Variants in ZNF285 observed in about 807,000 individuals in gnomAD.
The protein encoded by ZNF285 is zinc finger protein 285A.
A neutral mutation model predicts 6.2 loss-of-function variants in ZNF285; 4 were observed. The ratio of observed to expected loss-of-function variants is 0.65; its 90% confidence interval spans 0.32 to 1.49. The LOEUF (loss-of-function observed/expected upper bound fraction) is 1.49. Among genes scored for constraint, ZNF285 ranks in the 40% most tolerant of loss-of-function variants. The pLI is 0.07. For missense variants in ZNF285, 695 were observed against 708.8 expected (o/e 0.98, Z 0.22); for synonymous variants, 240 against 245.8 (o/e 0.98, Z 0.22).
rs548720540 is a variant in ZNF285, at chr19:44,383,725, C to T, written c.*2747G>A. The T allele has an allele frequency of 7.2e-5, 11 of 152,260 alleles. No individual in the cohort carries two copies. Among genetic ancestry groups the T allele is most frequent in the African/African-American group, 7.2e-5 (3 of 41,560 alleles). 9.4% of individuals were successfully genotyped at this position (152,260 alleles called of 1,614,324 possible). ...AAATTATACATGAGCGAGTCTGTTA[C>T]GCTTTTATCAAATCATTGGATTTGA... On this transcript the variant is annotated 3_prime_UTR_variant, in exon 4 of 4. Coordinates refer to ENST00000614994, the MANE Select transcript of ZNF285 (RefSeq NM_152354.6).
chr19:44,388,215 T>C (rs968280832), intron 3 of ZNF285, 113 bp from the exon 4 acceptor site: 3 of 962,594 alleles, frequency 3.1e-6, no homozygotes, highest in Middle Eastern at 2.2e-4. Flanking sequence ...TATTGACGTA[T>C]GAAACAATTA....
In ZNF285 at chr19:44,382,948, G is replaced by A. The variant is rs1379447759; in HGVS notation, c.*3524C>T. Reference sequence around the variant, plus strand: ...AAGAATGTGGGAGTCTGAGGCCCCAGATAGCTCCTCACCTAGGCATCCCAA... The same window carrying A: ...AAGAATGTGGGAGTCTGAGGCCCCAAATAGCTCCTCACCTAGGCATCCCAA... On this transcript the variant is annotated 3_prime_UTR_variant, in exon 4 of 4. Transcript: ENST00000614994. The A allele has an allele frequency of 6.6e-6, 1 of 152,148 alleles. No homozygotes were observed. Among genetic ancestry groups the A allele is most frequent in the African/African-American group, 2.4e-5 (1 of 41,428 alleles). 9.4% of individuals were successfully genotyped at this position (152,148 alleles called of 1,614,324 possible).
At position 44,392,418 on chromosome 19, in the gene ZNF285, G is replaced by T; in HGVS notation, c.64C>A (p.Leu22Met). ...ATCTGGGCTTTATCCAATAGTGCCA[G>T]CTCTTCCTTGGTGAAGACAACAGCC... ...DVAVVFTKEE[L>M]ALLDKAQINL... Residue 22 changes from leucine (L) to methionine (M), a missense_variant, in exon 3 of 4, where the codon CTG becomes ATG. Physicochemically the swap from Leu to Met is conservative, Grantham distance 15. Transcript: ENST00000614994. 1 of 1,613,796 alleles carries T rather than the reference G, an allele frequency of 6.2e-7. No homozygotes were observed. Among genetic ancestry groups the T allele is most frequent in the Non-Finnish European group, 8.5e-7 (1 of 1,179,830 alleles).
At chr19:44,388,986 C>T (rs1213048115) in intron 3 of ZNF285, among the ~76,000 whole-genome samples, 1 of 144,534 alleles carries the variant, frequency 6.9e-6, no homozygotes, top group Non-Finnish European at 1.5e-5. Flanking sequence ...ATGATCCTGG[C>T]GTTGTGCGGG....
chr19:44,392,469 A>G lies in ZNF285; in HGVS notation c.16-3T>C. 1 of 1,613,816 alleles carries G rather than the reference A, an allele frequency of 6.2e-7. No homozygotes were observed. Among genetic ancestry groups the G allele is most frequent in the Non-Finnish European group, 8.5e-7 (1 of 1,179,800 alleles). ...ACATCCTTGAATGTCACCCTTTCCTAAAACATCAACCACATGCCACGTCAA... is the reference window on the plus strand; with the variant it reads ...ACATCCTTGAATGTCACCCTTTCCTGAAACATCAACCACATGCCACGTCAA... On this transcript the variant is annotated splice_polypyrimidine_tract_variant and splice_region_variant and intron_variant, in intron 2 of 3. Transcript: ENST00000614994.
chr19:44,388,254 G>T lies in ZNF285; in HGVS notation c.143-152C>A, dbSNP rs113485144. 3,233 of 726,036 alleles carry T rather than the reference G, an allele frequency of 4.5e-3. 76 individuals are homozygous for T. In the African/African-American group the frequency reaches 0.047, roughly 11 times the overall value. The allele number at this position is 726,036 out of a possible 1,614,324, so 45.0% of individuals were successfully genotyped here. On this transcript the variant is annotated intron_variant, in intron 3 of 3. Transcript: ENST00000614994. ...CCACGGTAATTCTAACCTGTGAGCT[G>T]CCAATTAGAAATCAAGTGTTGTAGG...
chr19:44,395,241 AT>A (rs1971260945), intron 2 of ZNF285, among the ~76,000 whole-genome samples: 1 of 152,192 alleles, frequency 6.6e-6, no homozygotes, highest in African/African-American at 2.4e-5. Context: ...ATAACCATCT[AT>A]GAAGTATGAA....
intron 2 of ZNF285, among the ~76,000 whole-genome samples, chr19:44,393,473 G>T (rs961404762): frequency 1.3e-5 from 2 of 151,910 alleles, no homozygotes; most frequent in African/African-American, 4.8e-5. Flanking sequence ...TTTTTGATGG[G>T]GTTGTTTTTT....
chr19:44,392,523 T>A (rs562808687), intron 2 of ZNF285, 57 bp from the exon 3 acceptor site: 218 of 1,613,382 alleles, frequency 1.4e-4, no homozygotes, highest in Non-Finnish European at 1.7e-4. Context: ...GGTCTTAGTC[T>A]GTTTGGGCTG....
chr19:44,398,397 G>C (rs1971320717), intron 1 of ZNF285, among the ~76,000 whole-genome samples: 1 of 152,152 alleles, frequency 6.6e-6, no homozygotes, highest in Non-Finnish European at 1.5e-5. Context: ...ATCCAGGGAA[G>C]GGACAAGAGT....
At chr19:44,392,249 T>G (rs535947511) in intron 3 of ZNF285, 91 bp downstream of exon 3, 53 of 1,569,668 alleles carry the variant, frequency 3.4e-5, no homozygotes, top group East Asian at 2.9e-4. Context: ...GTGGCCAAAG[T>G]TTCTCTTTGT....
Position 44,386,988 on chromosome 19 carries a change from C to T in ZNF285, c.1257G>A (p.Trp419Ter). The change falls in exon 4 of 4, where the codon TGG (tryptophan) becomes TGA (stop). Residue 419 changes from tryptophan to a stop codon, truncating the protein, a stop_gained. Transcript: ENST00000614994. LOFTEE classifies it low-confidence loss of function (END_TRUNC). ...ATGGTTTCTCCCCTGTGTGAAACCT[C>T]CAGTGGACTTGAAGAACGGAGCTTG... ...FSSSSVLQVHWRFHTGEKPYR... is the reference protein window; with the variant it reads ...FSSSSVLQVH 6.2e-7 allele frequency: 1 copy of T among 1,614,126 alleles called. No individual in the cohort carries two copies. The highest frequency in any genetic ancestry group is 8.5e-7 in the Non-Finnish European group (1 of 1,180,020).
Position 44,382,530 on chromosome 19 carries a change from T to C in ZNF285, c.*3942A>G, listed in dbSNP as rs997360732. The stretch of plus-strand genomic sequence containing the variant: ...GGCCAGGCTGGTCTCAAACTCCTGA[T>C]CTTGTGATTCAGCCACCTTGGCCTC... On this transcript the variant is annotated 3_prime_UTR_variant, in exon 4 of 4. Transcript: ENST00000614994. 6.6e-6 allele frequency: 1 copy of C among 152,098 alleles called. No individual in the cohort carries two copies. Among genetic ancestry groups the C allele is most frequent in the African/African-American group, 2.4e-5 (1 of 41,498 alleles). 9.4% of individuals were successfully genotyped at this position (152,098 alleles called of 1,614,324 possible). A position where few individuals can be genotyped will look rare whatever the true frequency, so the allele number is the denominator to read the frequency against.
rs1315892061 is a variant in ZNF285, at chr19:44,385,602, C to G, written c.*870G>C. ...AATCCCTCCATGCTAGTCAGGATAGCCTAGGCAATGCTGCAGTAATAAATA... is the reference window on the plus strand; with the variant it reads ...AATCCCTCCATGCTAGTCAGGATAGGCTAGGCAATGCTGCAGTAATAAATA... On this transcript the variant is annotated 3_prime_UTR_variant, in exon 4 of 4. Coordinates refer to ENST00000614994, the MANE Select transcript of ZNF285 (RefSeq NM_152354.6). 2 of 152,172 alleles carry G rather than the reference C, an allele frequency of 1.3e-5. No homozygotes were observed. The highest frequency in any genetic ancestry group is 2.4e-5 in the African/African-American group (1 of 41,434). The allele number at this position is 152,172 out of a possible 1,614,324, so 9.4% of individuals were successfully genotyped here.
At position 44,384,603 on chromosome 19, in the gene ZNF285, T is replaced by C. The variant is rs1360950717; in HGVS notation, c.*1869A>G. ...AACTATAACTAGCAGGAAACTGTAA[T>C]GCAAGAAAAACTAGGAATAAACCAT... On this transcript the variant is annotated 3_prime_UTR_variant, in exon 4 of 4. Coordinates refer to ENST00000614994, the MANE Select transcript of ZNF285 (RefSeq NM_152354.6). 4 of 151,852 alleles carry C rather than the reference T, an allele frequency of 2.6e-5. No individual in the cohort carries two copies. Among genetic ancestry groups the C allele is most frequent in the South Asian group, 2.1e-4 (1 of 4,816 alleles). 9.4% of individuals were successfully genotyped at this position (151,852 alleles called of 1,614,324 possible).
chr19:44,390,426 GCC>G (rs973974199), intron 3 of ZNF285, among the ~76,000 whole-genome samples: 2 of 152,104 alleles, frequency 1.3e-5, no homozygotes, highest in African/African-American at 4.8e-5. Context: ...GGGGCCTGTA[GCC>G]CCTTTGTTTC....
chr19:44,387,027 G>C lies in ZNF285; in HGVS notation c.1218C>G (p.Gly406=). Reference sequence around the variant, plus strand: ...GAACGGAGCTTGAACTAAAGCACTTGCCACACTCACTGCATTTGTAGGGCT... The same window carrying C: ...GAACGGAGCTTGAACTAAAGCACTTCCCACACTCACTGCATTTGTAGGGCT... The part of the protein sequence containing the change: ...GEKPYKCSEC[G]KCFSSSSVLQ... Residue 406 remains glycine, a synonymous_variant, in exon 4 of 4, where the codon GGC becomes GGG. Coordinates refer to ENST00000614994, the MANE Select transcript of ZNF285 (RefSeq NM_152354.6). The C allele has an allele frequency of 6.2e-7, 1 of 1,614,006 alleles. No homozygotes were observed.
chr19:44,394,754 CT>C (rs1342409236), intron 2 of ZNF285, among the ~76,000 whole-genome samples: 1 of 152,092 alleles, frequency 6.6e-6, no homozygotes, highest in Non-Finnish European at 1.5e-5. Flanking sequence ...TTACAAAGGA[CT>C]TCACAAGAAC....
rs751437504 is a variant in ZNF285 at position 44,387,399 on chromosome 19, G to A, written c.846C>T (p.His282=). 2 of 1,614,162 alleles carry A rather than the reference G, an allele frequency of 1.2e-6. No individual in the cohort carries two copies. The highest frequency in any genetic ancestry group is 2.2e-5 in the South Asian group (2 of 91,080). ...GGAATTCATAGGGAGTCTTGCCAGA[G>A]TGAGTTTTACAATGAACGATAAGAT... The part of the protein sequence containing the change: ...SQDLIVHCKT[H]SGKTPYEFHE... The change falls in exon 4 of 4, where the codon CAC becomes CAT. Residue 282 remains histidine (H), a synonymous_variant. Transcript: ENST00000614994.
Sources: gnomAD v4.1 joint callset for allele counts (sites outside exome capture counted in the v4.1 genomes callset) on GRCh38, gnomAD v4.1.1 for gene constraint, MANE v1.5 for transcripts, NCBI Gene and HGNC (gene_info 2026-07-23, HGNC 2026-07-21) for gene names.